Variants in NOSIP observed in about 807,000 individuals in gnomAD.
The protein encoded by NOSIP is nitric oxide synthase interacting protein.
A neutral mutation model predicts 36.4 loss-of-function variants in NOSIP; 25 were observed. The observed-to-expected ratio is 0.69, with a 90% CI of 0.50 to 0.96. The LOEUF (loss-of-function observed/expected upper bound fraction) is 0.96. Among genes scored for constraint, NOSIP ranks in the 40% least tolerant of loss-of-function variants. The pLI is 0.00. For missense variants in NOSIP, 370 were observed against 429.0 expected, an observed-to-expected ratio of 0.86 and a Z score of 1.21; for synonymous variants, 187 against 179.2, an observed-to-expected ratio of 1.04 and a Z score of -0.35.
In NOSIP at chr19:49,560,635, C is replaced by T; in HGVS notation, c.57G>A (p.Lys19=). The stretch of plus-strand genomic sequence containing the variant: ...CCAGCCCTGCACCTGTGTCCTTCTT[C>T]TTCTCGTGGTAGGTGTAGACGGCCC... ...TAGAVYTYHE[K]KKDTAASGYG... Residue 19 remains lysine, a synonymous_variant, in exon 2 of 9, where the codon AAG becomes AAA. Transcript: ENST00000596358. This position sits in a 1 kb window ranked among gnomAD's most constrained non-coding sequence, Gnocchi z 4.6. 1.9e-6 allele frequency: 3 copies of T among 1,593,112 alleles called. No individual in the cohort carries two copies. The highest frequency in any genetic ancestry group is 1.1e-5 in the South Asian group (1 of 87,464).
rs138157240 is a variant in NOSIP, at chr19:49,563,272, C to T, written c.-1-2580G>A. Among the ~76,000 whole-genome samples, 130 of 151,784 alleles carry T rather than the reference C, an allele frequency of 8.6e-4. No individual in the cohort carries two copies. The Middle Eastern group carries it at 0.01, about 12-fold the overall frequency. On this transcript the variant is annotated intron_variant, in intron 1 of 8. Coordinates refer to ENST00000596358, the MANE Select transcript of NOSIP (RefSeq NM_001270960.2). Reference sequence around the variant, plus strand: ...CTCACTGCAGCCTTGACCTCCTGGGCTCAAGTGATTCTCCTGCCTCAGCCT... The same window carrying T: ...CTCACTGCAGCCTTGACCTCCTGGGTTCAAGTGATTCTCCTGCCTCAGCCT...
chr19:49,557,032 GCCCGCCCAGCCCGCGGCGC>G, intron 5 of NOSIP, 39 bp from the exon 6 acceptor site: 1 of 1,589,004 alleles, frequency 6.3e-7, no homozygotes, highest in Non-Finnish European at 8.6e-7. Context: ...CGCCCCCTGG[GCCCGCCCAGCCCGCGGCGC>G]CCCGCCCCCC....
intron 1 of NOSIP, among the ~76,000 whole-genome samples, chr19:49,569,317 C>T (rs1290289407): frequency 6.6e-6 from 1 of 150,720 alleles, no homozygotes; most frequent in African/African-American, 2.4e-5. Context: ...CCTCAGCCTC[C>T]TGAGTAGCTG....
chr19:49,569,089 A>G (rs2122147699), intron 1 of NOSIP, among the ~76,000 whole-genome samples: 1 of 146,230 alleles, frequency 6.8e-6, no homozygotes, highest in Admixed American at 6.9e-5. Context: ...GTGTGAGCCC[A>G]CTGCGCCCGG....
At chr19:49,562,698 T>G (rs931888609) in intron 1 of NOSIP, among the ~76,000 whole-genome samples, 3 of 151,952 alleles carry the variant, frequency 2.0e-5, no homozygotes, top group African/African-American at 4.8e-5. Flanking sequence ...CTGGCCAACA[T>G]GGTGAAACCC....
intron 1 of NOSIP, among the ~76,000 whole-genome samples, chr19:49,568,793 A>T (rs535554454): frequency 7.4e-6 from 1 of 134,786 alleles, no homozygotes; most frequent in South Asian, 2.2e-4. Context: ...AAAAAAAAAA[A>T]AATAGTTTGT....
intron 1 of NOSIP, among the ~76,000 whole-genome samples, chr19:49,571,900 G>C (rs4316869): frequency 0.17 from 24,885 of 147,312 alleles, 2,367 homozygotes; most frequent in African/African-American, 0.26. Context: ...CAGAAGAATC[G>C]CTTGAACCCA....
rs570689699 is a variant in NOSIP, at chr19:49,569,292, C to T, written c.-1-8600G>A. Among the ~76,000 whole-genome samples the T allele has an allele frequency of 2.1e-3, 315 of 149,460 alleles. 1 individual carries two copies. The highest frequency in any genetic ancestry group is 5.4e-3 in the African/African-American group (220 of 40,736). On this transcript the variant is annotated intron_variant, in intron 1 of 8. Coordinates refer to ENST00000596358, the MANE Select transcript of NOSIP (RefSeq NM_001270960.2). ...CACTGCAAGCTCCACCTCCCAGGTT[C>T]ACACCATTCTCCTGCCTCAGCCTCC...
intron 4 of NOSIP, chr19:49,558,429 T>A (rs1176981226): frequency 6.6e-6 from 1 of 152,586 alleles, no homozygotes; most frequent in Non-Finnish European, 1.5e-5. Flanking sequence ...TTTTTTATTT[T>A]TTTATTTTTA....
At position 49,557,194 on chromosome 19, in the gene NOSIP, G is replaced by A. The variant is rs1011408552; in HGVS notation, c.314C>T (p.Ala105Val). ...RREEQKELQRAASQDHVRGFL... is the reference protein window; with the variant it reads ...RREEQKELQRVASQDHVRGFL... ...GCCCCGCACATGGTCCTGCGAGGCC[G>A]CCCGCTGAAGCTCCTTCTGCTCCTC... The change falls in exon 5 of 9, where the codon GCG becomes GTG. Residue 105 changes from alanine to valine, a missense_variant. By Grantham distance (64) the Ala-to-Val change is moderately conservative. This residue lies in a region of NOSIP where 315 missense variants were observed against 331.9 expected (regional missense o/e 0.95). Transcript: ENST00000596358. 1.9e-6 allele frequency: 3 copies of A among 1,604,926 alleles called. No homozygotes were observed. Among genetic ancestry groups the A allele is most frequent in the South Asian group, 1.1e-5 (1 of 89,324 alleles).
chr19:49,556,094 G>GGGCCTTAAAAATAGGGCAGGGGCA lies in NOSIP; in HGVS notation c.834+222_834+223insTGCCCCTGCCCTATTTTTAAGGCC, dbSNP rs1568719381. Among the ~76,000 whole-genome samples the GGGCCTTAAAAATAGGGCAGGGGCA allele has an allele frequency of 2.0e-3, 230 of 116,802 alleles. 3 individuals are homozygous for GGGCCTTAAAAATAGGGCAGGGGCA. Among genetic ancestry groups the GGGCCTTAAAAATAGGGCAGGGGCA allele is most frequent in the African/African-American group, 0.01 (221 of 22,002 alleles). The allele number at this position is 116,802 out of a possible 152,430, so 76.6% of individuals were successfully genotyped here. On this transcript the variant is annotated intron_variant, in intron 8 of 8. Coordinates refer to ENST00000596358, the MANE Select transcript of NOSIP (RefSeq NM_001270960.2). Reference sequence around the variant, plus strand: ...GGAGGGCTGGAGGCAGGGAAGGGGCGGGGCCTTGAAAAGGAAGGAGGAGGC... The same window carrying GGGCCTTAAAAATAGGGCAGGGGCA: ...GGAGGGCTGGAGGCAGGGAAGGGGCGGGCCTTAAAAATAGGGCAGGGGCAGGGCCTTGAAAAGGAAGGAGGAGGC...
chr19:49,576,949 A>T (rs78936857), intron 1 of NOSIP, among the ~76,000 whole-genome samples: 3 of 152,040 alleles, frequency 2.0e-5, no homozygotes, highest in African/African-American at 7.2e-5. Context: ...AGAATATATT[A>T]AAAACTTACA....
At chr19:49,557,059 C>T (rs2080261033) in intron 5 of NOSIP, 31 bp downstream of exon 5, 3 of 1,599,592 alleles carry the variant, frequency 1.9e-6, no homozygotes, top group East Asian at 2.3e-5. Context: ...CGCCCCGCCC[C>T]CCAACCCACA....
At chr19:49,566,382 C>T (rs773311071) in intron 1 of NOSIP, among the ~76,000 whole-genome samples, 1 of 152,066 alleles carries the variant, frequency 6.6e-6, no homozygotes, top group Non-Finnish European at 1.5e-5. Context: ...AATCATAGCT[C>T]GCTGCAGCCT....
In NOSIP at chr19:49,555,878, G is replaced by A. The variant is rs2080230748; in HGVS notation, c.835-56C>T. ...AGGCCGGCCCGGGGGTGACCAGTGG[G>A]GCTCCAGGTGGTAGTGGGGATTCCT... On this transcript the variant is annotated intron_variant, in intron 8 of 8. Coordinates refer to ENST00000596358, the MANE Select transcript of NOSIP (RefSeq NM_001270960.2). The A allele has an allele frequency of 2.2e-5, 28 of 1,296,948 alleles. No homozygotes were observed. The South Asian group carries it at 3.2e-4, about 15-fold the overall frequency. The allele number at this position is 1,296,948 out of a possible 1,614,324, so 80.3% of individuals were successfully genotyped here. A position where few individuals can be genotyped will look rare whatever the true frequency, so the allele number is the denominator to read the frequency against.
Position 49,557,079 on chromosome 19 carries a change from A to C in NOSIP, c.418+11T>G, listed in dbSNP as rs754158524. 4.4e-5 allele frequency: 71 copies of C among 1,608,048 alleles called. No homozygotes were observed. Among genetic ancestry groups the C allele is most frequent in the East Asian group, 6.7e-5 (3 of 44,704 alleles). On this transcript the variant is annotated intron_variant, in intron 5 of 8. Transcript: ENST00000596358. Reference sequence around the variant, plus strand: ...CGCCCCCCAACCCACAAGAAGCCCAACCTGAGTCACCTGGGCTGGTGCCCG... The same window carrying C: ...CGCCCCCCAACCCACAAGAAGCCCACCCTGAGTCACCTGGGCTGGTGCCCG...
intron 4 of NOSIP, 191 bp downstream of exon 4, chr19:49,558,706 G>GGACT: frequency 9.2e-6 from 6 of 652,746 alleles, no homozygotes; most frequent in Non-Finnish European, 1.4e-5. Flanking sequence ...CAGATCCTGG[G>GGACT]GACTGGCAGG....
intron 1 of NOSIP, among the ~76,000 whole-genome samples, chr19:49,573,049 T>G (rs2080507246): frequency 6.8e-6 from 1 of 146,140 alleles, no homozygotes. Context: ...TCATAACACC[T>G]CAAACGGTCG....
chr19:49,555,689 C>A lies in NOSIP; in HGVS notation c.*62G>T. On this transcript the variant is annotated 3_prime_UTR_variant, in exon 9 of 9. Coordinates refer to ENST00000596358, the MANE Select transcript of NOSIP (RefSeq NM_001270960.2). ...TGCCCTGTCCCCGGGGCGCCCACGC[C>A]GCGAATGAAGGCGCCACGTCGTTGC... 1.4e-6 allele frequency: 2 copies of A among 1,452,664 alleles called. No individual in the cohort carries two copies. The highest frequency in any genetic ancestry group is 9.6e-7 in the Non-Finnish European group (1 of 1,036,888). 90.0% of individuals were successfully genotyped at this position (1,452,664 alleles called of 1,614,324 possible).
Sources: allele counts gnomAD v4.1 joint callset (sites outside exome capture counted in the v4.1 genomes callset), GRCh38; gene constraint gnomAD v4.1.1; regional missense constraint gnomAD v4.1.1; non-coding constraint Gnocchi (gnomAD v3.1); transcripts MANE v1.5; gene names NCBI Gene and HGNC (gene_info 2026-07-23, HGNC 2026-07-21).